The following CCSER1 variants were observed in gnomAD, a reference collection of about 807,000 sequenced individuals.
CCSER1 encodes serine-rich coiled-coil domain-containing protein 1.
In CCSER1, 41 loss-of-function variants were observed where a neutral mutation model predicts 82.0. The observed-to-expected ratio is 0.50, with a 90% CI of 0.39 to 0.65. The LOEUF is 0.65. Ranked by LOEUF, CCSER1 falls within the 30% of genes least tolerant of loss-of-function variation. The pLI, the probability that CCSER1 is intolerant of heterozygous loss-of-function variation, is 0.00. For synonymous variants in CCSER1, 414 were observed against 383.9 expected (o/e 1.08, Z -0.92); for missense variants, 1,119 against 1,064.2 (o/e 1.05, Z -0.72).
At chr4:90,925,449 T>C (rs557363041) in intron 9 of CCSER1, among the ~76,000 whole-genome samples, 1 of 152,280 alleles carries the variant, frequency 6.6e-6, no homozygotes, top group African/African-American at 2.4e-5. Flanking sequence ...AATGACAATA[T>C]AAATATAAAA....
At chr4:90,957,503 T>C (rs1016919749) in intron 9 of CCSER1, among the ~76,000 whole-genome samples, 3 of 124,340 alleles carry the variant, frequency 2.4e-5, no homozygotes, top group Non-Finnish European at 5.0e-5. Context: ...TTATATAATA[T>C]TATATAATAT....
intron 3 of CCSER1, among the ~76,000 whole-genome samples, chr4:90,388,722 A>G (rs554634266): frequency 6.6e-6 from 1 of 151,820 alleles, no homozygotes; most frequent in Non-Finnish European, 1.5e-5. Flanking sequence ...TGCAACCTCC[A>G]TCTCCTCGGT....
intron 10 of CCSER1, among the ~76,000 whole-genome samples, chr4:91,465,392 A>G: frequency 6.6e-6 from 1 of 152,208 alleles, no homozygotes; most frequent in East Asian, 1.9e-4. Context: ...AAATGCCCAC[A>G]AGAGAAAGCA....
At chr4:91,176,869 G>C (rs1733434399) in intron 10 of CCSER1, among the ~76,000 whole-genome samples, 1 of 152,170 alleles carries the variant, frequency 6.6e-6, no homozygotes, top group African/African-American at 2.4e-5. Flanking sequence ...GAATAGAAGT[G>C]GTGAGAGAGG....
chr4:90,512,607 A>G (rs538912137), intron 5 of CCSER1, among the ~76,000 whole-genome samples: 1 of 152,302 alleles, frequency 6.6e-6, no homozygotes, highest in East Asian at 1.9e-4. Flanking sequence ...AATTTTAGCA[A>G]TAATTCAAAT....
At chr4:90,194,647 G>A (rs191424011) in intron 1 of CCSER1, among the ~76,000 whole-genome samples, 4 of 151,948 alleles carry the variant, frequency 2.6e-5, no homozygotes, top group East Asian at 3.9e-4. Flanking sequence ...TCTCATTTTT[G>A]TGGTATTAAT....
At chr4:91,403,932 C>T (rs779100942) in intron 10 of CCSER1, among the ~76,000 whole-genome samples, 3 of 152,200 alleles carry the variant, frequency 2.0e-5, no homozygotes, top group Middle Eastern at 3.4e-3. Context: ...GGGAGGATTC[C>T]CTCTTTTCCT....
intron 5 of CCSER1, among the ~76,000 whole-genome samples, chr4:90,480,915 A>T (rs963970227): frequency 1.4e-4 from 21 of 152,178 alleles, no homozygotes; most frequent in Admixed American, 2.6e-4. Context: ...TTCTGTGAAG[A>T]AAGTCAGTGG....
At chr4:91,272,620 T>A (rs1305704736) in intron 10 of CCSER1, among the ~76,000 whole-genome samples, 1 of 152,348 alleles carries the variant, frequency 6.6e-6, no homozygotes, top group Non-Finnish European at 1.5e-5. Context: ...CGGCTATTTA[T>A]CTTTGTTTTT....
intron 10 of CCSER1, among the ~76,000 whole-genome samples, chr4:91,332,345 T>A (rs1384807303): frequency 6.6e-6 from 1 of 151,828 alleles, no homozygotes. Flanking sequence ...ACTGGAGTGC[T>A]TACAAACCCT....
Position 90,956,287 on chromosome 4 carries a change from TA to T in CCSER1, c.2172+32841del, listed in dbSNP as rs542791529. Among the ~76,000 whole-genome samples, 38 of 152,308 alleles carry T rather than the reference TA, an allele frequency of 2.5e-4. No individual in the cohort carries two copies. The South Asian group carries it at 7.7e-3, about 31-fold the overall frequency. ...GTCAGATTTTGGCTTAAGAAAGACC[TA>T]CTAACTATTTTCTGGGACAACTTAC... On this transcript the variant is annotated intron_variant, in intron 9 of 10. Coordinates refer to ENST00000509176, the MANE Select transcript of CCSER1 (RefSeq NM_001145065.2).
intron 7 of CCSER1, among the ~76,000 whole-genome samples, chr4:90,728,919 C>G (rs945905793): frequency 6.6e-6 from 1 of 152,030 alleles, no homozygotes; most frequent in Non-Finnish European, 1.5e-5. Context: ...CTATAATGAC[C>G]ACTTATTTCT....
chr4:91,477,530 T>G (rs996598423), intron 10 of CCSER1, among the ~76,000 whole-genome samples: 5 of 151,732 alleles, frequency 3.3e-5, no homozygotes, highest in African/African-American at 4.8e-5. Context: ...TAACATGATA[T>G]CCTTTACAGT....
chr4:90,916,196 C>T (rs1488449659), intron 8 of CCSER1, among the ~76,000 whole-genome samples: 7 of 151,988 alleles, frequency 4.6e-5, no homozygotes, highest in East Asian at 3.9e-4. Context: ...AAAAAGAGCC[C>T]GCATTGCCAA....
At chr4:90,153,937 C>T (rs1472321974) in intron 1 of CCSER1, among the ~76,000 whole-genome samples, 4 of 152,142 alleles carry the variant, frequency 2.6e-5, no homozygotes, top group Non-Finnish European at 5.9e-5. Context: ...GTGTTTTAGA[C>T]ATGAAGTCCT....
intron 10 of CCSER1, among the ~76,000 whole-genome samples, chr4:91,168,254 C>G (rs1732349925): frequency 7.0e-6 from 1 of 143,730 alleles, no homozygotes; most frequent in African/African-American, 2.6e-5. Flanking sequence ...GCCCGGCTGC[C>G]CATCATCTGG....
chr4:90,437,041 T>C (rs889487619), intron 4 of CCSER1, among the ~76,000 whole-genome samples: 2 of 152,112 alleles, frequency 1.3e-5, no homozygotes, highest in African/African-American at 4.8e-5. Context: ...CAGGATGGTC[T>C]CAATCTCCTG....
intron 3 of CCSER1, among the ~76,000 whole-genome samples, chr4:90,364,105 T>C (rs530763631): frequency 2.6e-5 from 4 of 152,180 alleles, no homozygotes; most frequent in African/African-American, 9.6e-5. Flanking sequence ...TGAAACATAG[T>C]GGGAGGAGAG....
intron 9 of CCSER1, among the ~76,000 whole-genome samples, chr4:91,036,900 G>GT (rs1741479383): frequency 1.3e-5 from 2 of 151,910 alleles, no homozygotes; most frequent in Admixed American, 1.3e-4. Context: ...CCAACATGGT[G>GT]AAACCCGTGT....
Sources: gnomAD v4.1 joint callset for allele counts (sites outside exome capture counted in the v4.1 genomes callset) on GRCh38, gnomAD v4.1.1 for gene constraint, MANE v1.5 for transcripts, NCBI Gene and HGNC (gene_info 2026-07-23, HGNC 2026-07-21) for gene names.